SEM1: variants seen among roughly 807,000 people sequenced by gnomAD.
SEM1 encodes 26S proteasome complex subunit SEM1.
In SEM1, 3 loss-of-function variants were observed where a neutral mutation model predicts 12.7. The observed-to-expected ratio is 0.24, with a 90% CI of 0.11 to 0.61. SEM1 has a LOEUF of 0.61. SEM1 is among the 20% of genes least tolerant of loss of function. The pLI, the probability that SEM1 is intolerant of heterozygous loss-of-function variation, is 0.88. For missense variants in SEM1, 59 were observed against 81.3 expected (o/e 0.73, Z 1.06); for synonymous variants, 30 against 27.8 (o/e 1.08, Z -0.25).
chr7:96,519,719 A>AACCAGTGTCCTGAAAAGATCTCAAAGC (rs1278210418), intron 2 of SEM1, among the ~76,000 whole-genome samples: 2 of 152,140 alleles, frequency 1.3e-5, no homozygotes, highest in Non-Finnish European at 1.5e-5. Flanking sequence ...AATAAACAAA[A>AACCAGTGTCCTGAAAAGATCTCAAAGC]ACCAGTGTCC....
intron 2 of SEM1, among the ~76,000 whole-genome samples, chr7:96,629,931 G>T (rs957145583): frequency 3.2e-4 from 49 of 152,180 alleles, no homozygotes; most frequent in African/African-American, 1.1e-3. Context: ...GAAGAATTCT[G>T]TGGATTACCA....
At chr7:96,544,182 T>G (rs1489494587) in intron 2 of SEM1, among the ~76,000 whole-genome samples, 1 of 152,056 alleles carries the variant, frequency 6.6e-6, no homozygotes, top group Admixed American at 6.6e-5. Context: ...TTTGCTAGCC[T>G]GTCCTTTATT....
At chr7:96,517,892 T>C (rs1465033710) in intron 2 of SEM1, among the ~76,000 whole-genome samples, 1 of 152,176 alleles carries the variant, frequency 6.6e-6, no homozygotes, top group East Asian at 1.9e-4. Context: ...ATGCTTGCCT[T>C]TCATGTCTCA....
In SEM1 at chr7:96,548,704, A is replaced by G. The variant is rs532084871; in HGVS notation, c.171-42006T>C. Reference sequence around the variant, plus strand: ...TTGTCCTCTTCTCCCTTTTTAAAATATAAACTCTTTGAGCACAGGTACTTT... The same window carrying G: ...TTGTCCTCTTCTCCCTTTTTAAAATGTAAACTCTTTGAGCACAGGTACTTT... On this transcript the variant is annotated intron_variant and NMD_transcript_variant, in intron 2 of 3. Transcript: ENST00000466986. Among the ~76,000 whole-genome samples, 34 of 152,262 alleles carry G rather than the reference A, an allele frequency of 2.2e-4. No homozygotes were observed. In the South Asian group the frequency reaches 7.0e-3, roughly 31 times the overall value.
intron 2 of SEM1, among the ~76,000 whole-genome samples, chr7:96,571,651 A>C (rs7782072): frequency 0.96 from 145,520 of 151,800 alleles, 69,958 homozygotes; most frequent in Non-Finnish European, 0.99. Flanking sequence ...AGCCAACCTA[A>C]TCATGCTGGA....
intron 2 of SEM1, among the ~76,000 whole-genome samples, chr7:96,580,476 T>C (rs1360538822): frequency 1.3e-5 from 2 of 151,338 alleles, no homozygotes; most frequent in Non-Finnish European, 2.9e-5. Flanking sequence ...GTCCTTTGGG[T>C]CTATACCCAG....
intron 2 of SEM1, among the ~76,000 whole-genome samples, chr7:96,554,591 A>G (rs1256523858): frequency 6.6e-6 from 1 of 150,482 alleles, no homozygotes; most frequent in African/African-American, 2.5e-5. Flanking sequence ...TGCTGGATTC[A>G]TTTTGCCAGT....
intron 1 of SEM1, among the ~76,000 whole-genome samples, chr7:96,700,721 C>A (rs1380780883): frequency 6.6e-6 from 1 of 152,166 alleles, no homozygotes; most frequent in Non-Finnish European, 1.5e-5. Context: ...CAATTGCTTA[C>A]TGCTTGCTCA....
At chr7:96,533,215 C>G (rs765533947) in intron 2 of SEM1, among the ~76,000 whole-genome samples, 4 of 152,060 alleles carry the variant, frequency 2.6e-5, no homozygotes, top group Non-Finnish European at 5.9e-5. Flanking sequence ...GAAACTGTCC[C>G]CAGAATGTCA....
rs578071644 is a variant in SEM1, at chr7:96,526,281, AT to A, written c.171-19584del. Reference sequence around the variant, plus strand: ...GTACCTCCTTAGGCCTAAAGCATTTATTTTTTTTTTTCATTTTCAAAACCAT... The same window carrying A: ...GTACCTCCTTAGGCCTAAAGCATTTATTTTTTTTTTCATTTTCAAAACCAT... On this transcript the variant is annotated intron_variant and NMD_transcript_variant, in intron 2 of 3. Transcript: ENST00000466986. Among the ~76,000 whole-genome samples, 543 of 147,834 alleles carry A rather than the reference AT, an allele frequency of 3.7e-3. 3 individuals are homozygous for A. The highest frequency in any genetic ancestry group is 0.012 in the African/African-American group (479 of 40,512).
At chr7:96,653,293 T>C (rs759051708) in intron 2 of SEM1, among the ~76,000 whole-genome samples, 1 of 152,132 alleles carries the variant, frequency 6.6e-6, no homozygotes, top group Non-Finnish European at 1.5e-5. Context: ...AGATTCCTAA[T>C]AGGAAAAAAT....
chr7:96,604,824 C>T (rs1807296675), intron 2 of SEM1, among the ~76,000 whole-genome samples: 1 of 152,020 alleles, frequency 6.6e-6, no homozygotes, highest in Admixed American at 6.6e-5. Context: ...GACGCTGAGG[C>T]TTGAGAATCT....
intron 2 of SEM1, among the ~76,000 whole-genome samples, chr7:96,674,261 C>T (rs1789397026): frequency 6.6e-6 from 1 of 152,110 alleles, no homozygotes; most frequent in Admixed American, 6.6e-5. Context: ...GCTTTACTTA[C>T]CAACAAAATA....
exon 4 of SEM1, chr7:96,483,388 C>G (rs1358931591): frequency 6.0e-6 from 1 of 165,350 alleles, no homozygotes; most frequent in African/African-American, 2.4e-5. Flanking sequence ...CTCATCACAG[C>G]AGAAGTGGAA....
intron 2 of SEM1, among the ~76,000 whole-genome samples, chr7:96,557,476 G>T (rs1017835556): frequency 9.8e-6 from 1 of 102,090 alleles, no homozygotes; most frequent in Non-Finnish European, 2.4e-5. Context: ...TGCCCCTGCT[G>T]GGGGGTGCCT....
chr7:96,574,583 C>A (rs995629576), intron 2 of SEM1, among the ~76,000 whole-genome samples: 2 of 152,154 alleles, frequency 1.3e-5, no homozygotes, highest in East Asian at 3.9e-4. Context: ...TTCTCCACAT[C>A]CTCTCCAGCT....
chr7:96,661,336 G>A (rs1415082883), intron 2 of SEM1, among the ~76,000 whole-genome samples: 3 of 152,130 alleles, frequency 2.0e-5, no homozygotes, highest in East Asian at 3.9e-4. Flanking sequence ...ACTCCAAATC[G>A]TTAAGATATC....
downstream of SEM1, among the ~76,000 whole-genome samples, chr7:96,687,750 T>G (rs905005635): frequency 4.6e-5 from 7 of 151,954 alleles, no homozygotes; most frequent in African/African-American, 7.3e-5. Flanking sequence ...AACCTGCACA[T>G]TGTGCACATG....
chr7:96,698,779 C>G (rs1790178380), intron 1 of SEM1, among the ~76,000 whole-genome samples: 1 of 152,108 alleles, frequency 6.6e-6, no homozygotes, highest in African/African-American at 2.4e-5. Flanking sequence ...GGGTATAACC[C>G]AGTAATGGGA....
Sources: gnomAD v4.1 joint callset for allele counts (sites outside exome capture counted in the v4.1 genomes callset) on GRCh38, gnomAD v4.1.1 for gene constraint, MANE v1.5 for transcripts, NCBI Gene and HGNC (gene_info 2026-07-23, HGNC 2026-07-21) for gene names.